SLC13A3: variants seen among roughly 807,000 people sequenced by gnomAD.
The protein encoded by SLC13A3 is Na(+)/dicarboxylate cotransporter 3.
A neutral mutation model predicts 59.0 loss-of-function variants in SLC13A3; 40 were observed. That is an observed-to-expected ratio of 0.68 (90% CI 0.53 to 0.88). The LOEUF is 0.88. Ranked by LOEUF, SLC13A3 falls within the 40% of genes least tolerant of loss-of-function variation. The pLI, the probability that SLC13A3 is intolerant of heterozygous loss-of-function variation, is 0.00. For missense variants in SLC13A3, 699 were observed against 783.2 expected (o/e 0.89, Z 1.28); for synonymous variants, 317 against 330.3 (o/e 0.96, Z 0.44).
chr20:46,641,573 C>A (rs765300038), intron 1 of SLC13A3, among the ~76,000 whole-genome samples: 10 of 152,048 alleles, frequency 6.6e-5, no homozygotes, highest in Non-Finnish European at 1.3e-4. Context: ...CCAGAAGCAC[C>A]CAGCTGTGGA....
At chr20:46,676,771 T>A (rs2063128824) in intron 1 of SLC13A3, among the ~76,000 whole-genome samples, 1 of 151,846 alleles carries the variant, frequency 6.6e-6, no homozygotes, top group African/African-American at 2.4e-5. Flanking sequence ...TGAGATTTAA[T>A]AGAATTCCTG....
intron 9 of SLC13A3, among the ~76,000 whole-genome samples, chr20:46,582,212 C>T (rs2062145817): frequency 6.6e-6 from 1 of 152,128 alleles, no homozygotes; most frequent in Non-Finnish European, 1.5e-5. Flanking sequence ...CAGCTTTGAC[C>T]TGCCAGGCTC....
At position 46,566,363 on chromosome 20, in the gene SLC13A3, C is replaced by T. The variant is rs745537970; in HGVS notation, c.1360G>A (p.Gly454Arg). The part of the protein sequence containing the change: ...EESGLSVWIG[G>R]QLHPLENVPP... ...ACATTCTCCAGGGGGTGCAGCTGCCCACCAATCCATACAGACAGCCCCGAT... is the reference window on the plus strand; with the variant it reads ...ACATTCTCCAGGGGGTGCAGCTGCCTACCAATCCATACAGACAGCCCCGAT... Residue 454 changes from glycine (G) to arginine (R), a missense_variant, in exon 11 of 13, where the codon GGG (glycine) becomes AGG (arginine). Coordinates refer to ENST00000279027, the MANE Select transcript of SLC13A3 (RefSeq NM_022829.6). The T allele has an allele frequency of 2.4e-5, 38 of 1,612,900 alleles. No individual in the cohort carries two copies. In the Admixed American group the frequency reaches 6.2e-4, roughly 26 times the overall value.
chr20:46,634,523 C>T (rs1483116148), intron 1 of SLC13A3, among the ~76,000 whole-genome samples: 2 of 152,130 alleles, frequency 1.3e-5, no homozygotes, highest in African/African-American at 2.4e-5. Context: ...ATGCCTGAGC[C>T]CCGCCCCCAA....
Position 46,588,056 on chromosome 20 carries a change from C to A in SLC13A3, c.1121+3G>T. ...TCCTCCCTGTGGGTCCCCAGAGTCT[C>A]ACCCAGGATTGAAGAGGCTGGCCCA... On this transcript the variant is annotated splice_donor_region_variant and intron_variant, in intron 8 of 12. Coordinates refer to ENST00000279027, the MANE Select transcript of SLC13A3 (RefSeq NM_022829.6). 1.3e-6 allele frequency: 2 copies of A among 1,586,410 alleles called. No individual in the cohort carries two copies. The highest frequency in any genetic ancestry group is 1.7e-5 in the Admixed American group (1 of 58,620).
intron 3 of SLC13A3, among the ~76,000 whole-genome samples, chr20:46,604,628 C>G (rs2062418465): frequency 6.6e-6 from 1 of 152,116 alleles, no homozygotes; most frequent in South Asian, 2.1e-4. Context: ...GAACAGGATT[C>G]CATGGTGGCT....
chr20:46,587,463 G>A (rs1448311230), intron 8 of SLC13A3, among the ~76,000 whole-genome samples: 4 of 151,798 alleles, frequency 2.6e-5, no homozygotes, highest in East Asian at 1.9e-4. Flanking sequence ...ACCAGGCCTC[G>A]CTCCCACTGG....
chr20:46,621,350 A>G (rs1040379218), intron 1 of SLC13A3, among the ~76,000 whole-genome samples: 2 of 152,186 alleles, frequency 1.3e-5, no homozygotes, highest in African/African-American at 4.8e-5. Flanking sequence ...ATCTTTAAAA[A>G]TCTTTAAAGA....
rs551735125 is a variant in SLC13A3 at position 46,610,056 on chromosome 20, G to T, written c.541+390C>A. Reference sequence around the variant, plus strand: ...GGGATTCATCAGCTTCCTTATTTCTGCCTGTCTCATTGATTAAAATGTTAT... The same window carrying T: ...GGGATTCATCAGCTTCCTTATTTCTTCCTGTCTCATTGATTAAAATGTTAT... On this transcript the variant is annotated intron_variant, in intron 3 of 12. Transcript: ENST00000279027. Among the ~76,000 whole-genome samples, 30 of 152,236 alleles carry T rather than the reference G, an allele frequency of 2.0e-4. No homozygotes were observed. The South Asian group carries it at 6.2e-3, about 32-fold the overall frequency.
chr20:46,566,208 C>A, intron 11 of SLC13A3, 21 bp downstream of exon 11: 1 of 1,606,052 alleles, frequency 6.2e-7, no homozygotes, highest in Non-Finnish European at 8.5e-7. Context: ...GTGCTCCCCT[C>A]TTCCCCAGAA....
intron 10 of SLC13A3, among the ~76,000 whole-genome samples, chr20:46,570,890 T>TA (rs1469785194): frequency 3.9e-5 from 6 of 152,182 alleles, no homozygotes; most frequent in African/African-American, 1.4e-4. Context: ...ATGAGGGTAA[T>TA]AATAATTGTA....
At chr20:46,624,135 T>C (rs1431884754) in intron 1 of SLC13A3, among the ~76,000 whole-genome samples, 1 of 152,170 alleles carries the variant, frequency 6.6e-6, no homozygotes, top group African/African-American at 2.4e-5. Flanking sequence ...GGCATGCTAA[T>C]AATAACCATC....
rs74951047 is a variant in SLC13A3 at position 46,582,766 on chromosome 20, G to A, written c.1219+806C>T. 7.6e-4 allele frequency: 748 copies of A among 985,354 alleles called. 17 individuals are homozygous for A. In the East Asian group the frequency reaches 0.055, roughly 72 times the overall value. 61.0% of individuals were successfully genotyped at this position (985,354 alleles called of 1,614,324 possible). On this transcript the variant is annotated intron_variant, in intron 9 of 12. Coordinates refer to ENST00000279027, the MANE Select transcript of SLC13A3 (RefSeq NM_022829.6). ...TTTTCTCAACAATAGAAAATAGTTTGATTATAGTCCCTATTTCCTGACTCC... is the reference window on the plus strand; with the variant it reads ...TTTTCTCAACAATAGAAAATAGTTTAATTATAGTCCCTATTTCCTGACTCC...
upstream of SLC13A3, among the ~76,000 whole-genome samples, chr20:46,672,436 G>A (rs2063098339): frequency 6.6e-6 from 1 of 152,164 alleles, no homozygotes; most frequent in Admixed American, 6.5e-5. Flanking sequence ...CCTGTGCCAG[G>A]CACTGTGCTG....
At chr20:46,649,354 A>G (rs2062929998) in intron 1 of SLC13A3, among the ~76,000 whole-genome samples, 1 of 152,082 alleles carries the variant, frequency 6.6e-6, no homozygotes, top group Admixed American at 6.5e-5. Context: ...CGAATCCTGT[A>G]TTTGTAAATC....
intron 2 of SLC13A3, among the ~76,000 whole-genome samples, chr20:46,613,112 C>T (rs1174772078): frequency 6.6e-6 from 1 of 151,598 alleles, no homozygotes; most frequent in Non-Finnish European, 1.5e-5. Flanking sequence ...GGGATTCAGC[C>T]CTGAGCAGTC....
intron 3 of SLC13A3, among the ~76,000 whole-genome samples, chr20:46,600,833 T>C (rs777623850): frequency 5.9e-5 from 9 of 152,066 alleles, no homozygotes; most frequent in Admixed American, 1.3e-4. Context: ...AAATTTTAGG[T>C]AGGGACAAAT....
At chr20:46,649,472 G>T (rs2062931792) in intron 1 of SLC13A3, among the ~76,000 whole-genome samples, 1 of 152,196 alleles carries the variant, frequency 6.6e-6, no homozygotes, top group African/African-American at 2.4e-5. Context: ...AGAGCAGAGA[G>T]AAGCTGTCGG....
chr20:46,588,262 C>A, intron 7 of SLC13A3, 99 bp from the exon 8 acceptor site: 1 of 655,882 alleles, frequency 1.5e-6, no homozygotes, highest in Non-Finnish European at 2.6e-6. Flanking sequence ...TGACTGGGCC[C>A]GGGCTCTGCC....
Sources: allele counts gnomAD v4.1 joint callset (sites outside exome capture counted in the v4.1 genomes callset), GRCh38; gene constraint gnomAD v4.1.1; transcripts MANE v1.5; gene names NCBI Gene and HGNC (gene_info 2026-07-23, HGNC 2026-07-21).